SPATA17: variants seen among roughly 807,000 people sequenced by gnomAD.
SPATA17 encodes the protein spermatogenesis associated 17, also known as spermatogenesis-associated protein 17.
Under a neutral mutation model 62.2 loss-of-function variants are expected in SPATA17, and 53 were observed. That is an observed-to-expected ratio of 0.85 (90% CI 0.68 to 1.07). SPATA17 has a LOEUF of 1.07. Ranked by LOEUF, SPATA17 falls within the 50% of genes least tolerant of loss-of-function variation. The pLI is 0.00. For missense variants in SPATA17, 466 were observed against 425.5 expected (o/e 1.10, Z -0.84); for synonymous variants, 146 against 146.8 (o/e 0.99, Z 0.04).
chr1:217,752,392 A>G (rs1672937644), intron 6 of SPATA17, among the ~76,000 whole-genome samples: 1 of 152,220 alleles, frequency 6.6e-6, no homozygotes, highest in South Asian at 2.1e-4. Flanking sequence ...GCCTGATAAT[A>G]CCCAACATCT....
chr1:217,812,263 C>G (rs1374789050), intron 9 of SPATA17, among the ~76,000 whole-genome samples: 1 of 152,064 alleles, frequency 6.6e-6, no homozygotes. Flanking sequence ...AATACTCTTC[C>G]TCTCATCACA....
intron 9 of SPATA17, among the ~76,000 whole-genome samples, chr1:217,833,463 A>G (rs1675193009): frequency 6.6e-6 from 1 of 152,180 alleles, no homozygotes; most frequent in Non-Finnish European, 1.5e-5. Flanking sequence ...GTGCATGCCT[A>G]TGGGCTTGGG....
intron 6 of SPATA17, among the ~76,000 whole-genome samples, chr1:217,769,589 T>C (rs981755482): frequency 5.9e-5 from 9 of 152,210 alleles, no homozygotes; most frequent in African/African-American, 1.9e-4. Flanking sequence ...CTTTCTGGGA[T>C]CCGCATTTAA....
At chr1:217,724,856 C>A (rs1197844789) in intron 5 of SPATA17, among the ~76,000 whole-genome samples, 1 of 151,788 alleles carries the variant, frequency 6.6e-6, no homozygotes, top group African/African-American at 2.4e-5. Context: ...TTTCCCTGTG[C>A]ACTTGTAAAA....
At chr1:217,768,602 C>T (rs570225353) in intron 6 of SPATA17, among the ~76,000 whole-genome samples, 1 of 151,826 alleles carries the variant, frequency 6.6e-6, no homozygotes, top group Non-Finnish European at 1.5e-5. Flanking sequence ...AGCAATTCTC[C>T]TGCCTCAGCC....
chr1:217,723,095 G>A (rs1367207144), intron 5 of SPATA17, among the ~76,000 whole-genome samples: 4 of 152,166 alleles, frequency 2.6e-5, no homozygotes, highest in African/African-American at 9.7e-5. Context: ...TAAACCTGGT[G>A]TTGAGGCCAG....
chr1:217,866,051 CT>C (rs1217986854), intron 10 of SPATA17, among the ~76,000 whole-genome samples: 6 of 152,020 alleles, frequency 3.9e-5, no homozygotes, highest in Non-Finnish European at 8.8e-5. Context: ...ATGCCATCGT[CT>C]TTTTTCCAGA....
In SPATA17 at chr1:217,859,981, G is replaced by T. The variant is rs192187469; in HGVS notation, c.1006-2793G>T. On this transcript the variant is annotated intron_variant, in intron 9 of 10. Coordinates refer to ENST00000366933, the MANE Select transcript of SPATA17 (RefSeq NM_138796.4). ...GCTCTTTTTAATATAGTTTTCTAAA[G>T]TGGAAGCTTTGATTATTGACTTTAG... is the stretch of plus-strand genomic sequence containing the variant. Among the ~76,000 whole-genome samples the T allele has an allele frequency of 3.3e-5, 5 of 152,142 alleles. No homozygotes were observed. The East Asian group carries it at 9.7e-4, about 29-fold the overall frequency.
At chr1:217,771,935 A>T (rs1413099765) in intron 6 of SPATA17, among the ~76,000 whole-genome samples, 1 of 152,162 alleles carries the variant, frequency 6.6e-6, no homozygotes, top group Non-Finnish European at 1.5e-5. Flanking sequence ...ATAAATTTTA[A>T]TCTAGCTAAA....
At chr1:217,784,813 A>T (rs1558049960) in intron 8 of SPATA17, 1 of 152,176 alleles carries the variant, frequency 6.6e-6, no homozygotes, top group Non-Finnish European at 1.5e-5. Context: ...GAGGACAATG[A>T]GCACAGCTCT....
chr1:217,681,183 C>T (rs946999203), intron 4 of SPATA17, among the ~76,000 whole-genome samples: 4 of 146,454 alleles, frequency 2.7e-5, no homozygotes, highest in Admixed American at 6.8e-5. Context: ...ACCGAAATCG[C>T]GCCACTGCAC....
chr1:217,850,296 G>T, intron 9 of SPATA17: 1 of 449,062 alleles, frequency 2.2e-6, no homozygotes, highest in African/African-American at 2.0e-5. Context: ...TTTTGAACAG[G>T]TTCAACTATT....
chr1:217,847,601 A>G (rs1002991745), intron 9 of SPATA17, among the ~76,000 whole-genome samples: 1 of 152,198 alleles, frequency 6.6e-6, no homozygotes, highest in Non-Finnish European at 1.5e-5. Context: ...TCCGTTGACT[A>G]TCTTATCTGC....
At chr1:217,827,088 T>C (rs1409469894) in intron 9 of SPATA17, among the ~76,000 whole-genome samples, 1 of 152,066 alleles carries the variant, frequency 6.6e-6, no homozygotes, top group Non-Finnish European at 1.5e-5. Context: ...TTAAAATTTA[T>C]ACATTATTAG....
intron 6 of SPATA17, among the ~76,000 whole-genome samples, chr1:217,764,989 G>C (rs558892496): frequency 6.6e-6 from 1 of 152,110 alleles, no homozygotes; most frequent in South Asian, 2.1e-4. Flanking sequence ...AAAGATTCTA[G>C]TTTCTCACTG....
intron 7 of SPATA17, chr1:217,781,087 A>G (rs1457012164): frequency 6.6e-6 from 1 of 152,152 alleles, no homozygotes; most frequent in Non-Finnish European, 1.5e-5. Context: ...CAGCTGTGAA[A>G]AGTACTAGAT....
chr1:217,718,512 G>A (rs1672056985), intron 5 of SPATA17, among the ~76,000 whole-genome samples: 1 of 152,156 alleles, frequency 6.6e-6, no homozygotes. Flanking sequence ...AACTTAGAAG[G>A]TCTCAGACTG....
chr1:217,673,693 T>A (rs1438445884), intron 4 of SPATA17, among the ~76,000 whole-genome samples: 2 of 152,160 alleles, frequency 1.3e-5, no homozygotes, highest in African/African-American at 4.8e-5. Flanking sequence ...ACCCTCCATT[T>A]TCTATATAGT....
intron 2 of SPATA17, among the ~76,000 whole-genome samples, chr1:217,650,762 C>A (rs557295209): frequency 1.3e-5 from 2 of 152,310 alleles, no homozygotes; most frequent in Admixed American, 1.3e-4. Context: ...TGATTTACAT[C>A]AATAGTGCCT....
Sources: gnomAD v4.1 joint callset for allele counts (sites outside exome capture counted in the v4.1 genomes callset) on GRCh38, gnomAD v4.1.1 for gene constraint, MANE v1.5 for transcripts, NCBI Gene and HGNC (gene_info 2026-07-23, HGNC 2026-07-21) for gene names.